The following TBC1D1 variants were observed in gnomAD, a reference collection of about 807,000 sequenced individuals.
The protein encoded by TBC1D1 is TBC1 domain family member 1, also known as TBC1 (tre-2/USP6, BUB2, cdc16) domain family, member 1.
Under a neutral mutation model 125.6 loss-of-function variants are expected in TBC1D1, and 89 were observed. The ratio of observed to expected loss-of-function variants is 0.71; its 90% CI spans 0.60 to 0.85. The LOEUF (loss-of-function observed/expected upper bound fraction) is 0.85. TBC1D1 is among the 40% of genes least tolerant of loss of function. The pLI is 0.00. For missense variants in TBC1D1, 1,377 were observed against 1,469.2 expected (o/e 0.94, Z 1.03); for synonymous variants, 565 against 564.1 (o/e 1.00, Z -0.02).
intron 12 of TBC1D1, among the ~76,000 whole-genome samples, chr4:38,060,284 C>G (rs1381107216): frequency 2.6e-5 from 4 of 152,100 alleles, no homozygotes; most frequent in African/African-American, 9.7e-5. Context: ...AGTTCTAGAT[C>G]TTTGAGGAAT....
intron 19 of TBC1D1, 62 bp downstream of exon 21, chr4:38,133,319 C>T: frequency 6.7e-7 from 1 of 1,484,930 alleles, no homozygotes; most frequent in African/African-American, 1.4e-5. Context: ...ATTAACTCAC[C>T]AAAGGCAACA....
At chr4:38,117,186 T>TA (rs1361935794) in intron 16 of TBC1D1, among the ~76,000 whole-genome samples, 1 of 152,254 alleles carries the variant, frequency 6.6e-6, no homozygotes, top group African/African-American at 2.4e-5. Flanking sequence ...GGGATTATAT[T>TA]ATCTGAGCCT....
chr4:37,978,946 A>G (rs1733809588), intron 2 of TBC1D1, among the ~76,000 whole-genome samples: 1 of 152,204 alleles, frequency 6.6e-6, no homozygotes. Flanking sequence ...GTGCGATCTC[A>G]GTTCACTGCA....
At chr4:37,920,838 C>T (rs1009538683) in intron 2 of TBC1D1, among the ~76,000 whole-genome samples, 14 of 151,998 alleles carry the variant, frequency 9.2e-5, no homozygotes, top group Non-Finnish European at 1.0e-4. Context: ...GGGCCGGGCG[C>T]GGTGGCTCAC....
At chr4:38,100,723 A>G (rs1760165856) in intron 14 of TBC1D1, among the ~76,000 whole-genome samples, 1 of 152,184 alleles carries the variant, frequency 6.6e-6, no homozygotes, top group African/African-American at 2.4e-5. Flanking sequence ...AAAAAAAATG[A>G]TACGTGAAAG....
At chr4:37,983,429 T>C (rs1461642507) in intron 2 of TBC1D1, among the ~76,000 whole-genome samples, 1 of 152,172 alleles carries the variant, frequency 6.6e-6, no homozygotes, top group African/African-American at 2.4e-5. Flanking sequence ...CCCCAAACTC[T>C]TATAGCTGTG....
At position 38,102,986 on chromosome 4, in the gene TBC1D1, C is replaced by T. The variant is rs200512979; in HGVS notation, c.2399-13C>T. 1.2e-6 allele frequency: 2 copies of T among 1,608,884 alleles called. No homozygotes were observed. The highest frequency in any genetic ancestry group is 1.7e-6 in the Non-Finnish European group (2 of 1,178,066). On this transcript the variant is annotated splice_polypyrimidine_tract_variant and intron_variant, in intron 14 of 19. Coordinates refer to ENST00000261439, the MANE Select transcript of TBC1D1 (RefSeq NM_015173.4). ...TGCATAAATTATTTCCATGTCTTCTCTCCCTTTTAAAGGTGTGCCACGTCA... is the reference window on the plus strand; with the variant it reads ...TGCATAAATTATTTCCATGTCTTCTTTCCCTTTTAAAGGTGTGCCACGTCA...
At chr4:38,110,599 C>G in intron 15 of TBC1D1, 1 of 985,362 alleles carries the variant, frequency 1.0e-6, no homozygotes, top group Non-Finnish European at 1.2e-6. Context: ...CAAGACACAT[C>G]GAATGTCTTT....
intron 2 of TBC1D1, among the ~76,000 whole-genome samples, chr4:38,013,847 C>CA (rs1221792970): frequency 6.6e-6 from 1 of 152,188 alleles, no homozygotes. Flanking sequence ...TAATATTAGT[C>CA]ATGGGTTACT....
intron 1 of TBC1D1, among the ~76,000 whole-genome samples, chr4:37,891,562 G>A (rs1233359205): frequency 3.4e-5 from 4 of 119,112 alleles, no homozygotes; most frequent in Admixed American, 1.1e-4. Flanking sequence ...GCCCTTGGAC[G>A]AAAGCGAAAC....
chr4:37,986,542 G>A (rs1438436509), intron 2 of TBC1D1, among the ~76,000 whole-genome samples: 1 of 152,090 alleles, frequency 6.6e-6, no homozygotes, highest in Non-Finnish European at 1.5e-5. Flanking sequence ...GCCTTCCGGG[G>A]TCAAGTGATT....
intron 2 of TBC1D1, among the ~76,000 whole-genome samples, chr4:37,945,052 A>G (rs565140834): frequency 3.3e-4 from 50 of 152,086 alleles, no homozygotes; most frequent in African/African-American, 1.2e-3. Context: ...TCTGGACTGG[A>G]CTTTTTGTAA....
chr4:37,895,953 AGAGT>A (rs1241715996), intron 1 of TBC1D1, among the ~76,000 whole-genome samples: 1 of 152,148 alleles, frequency 6.6e-6, no homozygotes, highest in Non-Finnish European at 1.5e-5. Context: ...AAGTGGATGA[AGAGT>A]GTAGCCAAGT....
chr4:37,906,071 G>T (rs970744876), intron 2 of TBC1D1, among the ~76,000 whole-genome samples: 9 of 152,180 alleles, frequency 5.9e-5, no homozygotes, highest in African/African-American at 2.2e-4. Flanking sequence ...TGAACAAGAT[G>T]AATATTTTCC....
chr4:38,134,051 C>T (rs114858155), intron 19 of TBC1D1, among the ~76,000 whole-genome samples: 3,502 of 152,168 alleles, frequency 0.023, 127 homozygotes, highest in African/African-American at 0.08. Flanking sequence ...CAGTGCTGTC[C>T]CTGTTAAGGA....
chr4:38,129,662 G>A (rs555692099), intron 18 of TBC1D1, among the ~76,000 whole-genome samples: 2 of 152,234 alleles, frequency 1.3e-5, no homozygotes, highest in East Asian at 1.9e-4. Flanking sequence ...ATTAATCAGT[G>A]TCCATGGACT....
chr4:37,913,299 C>T (rs114343021), intron 2 of TBC1D1, among the ~76,000 whole-genome samples: 2,676 of 152,150 alleles, frequency 0.018, 84 homozygotes, highest in African/African-American at 0.061. Flanking sequence ...TGCTCAGCCT[C>T]CTAAAAAATA....
chr4:38,047,424 G>A (rs1749705129), intron 10 of TBC1D1, among the ~76,000 whole-genome samples: 1 of 152,142 alleles, frequency 6.6e-6, no homozygotes, highest in East Asian at 1.9e-4. Context: ...TGGGGAGTGA[G>A]GTCCTAGACA....
At chr4:38,038,586 G>A (rs75649027) in intron 8 of TBC1D1, among the ~76,000 whole-genome samples, 15,546 of 152,174 alleles carry the variant, frequency 0.1, 979 homozygotes, top group Non-Finnish European at 0.14. Context: ...AATCTTAAGT[G>A]TACCATTTGT....
Sources: gnomAD v4.1 joint callset for allele counts (sites outside exome capture counted in the v4.1 genomes callset) on GRCh38, gnomAD v4.1.1 for gene constraint, MANE v1.5 for transcripts, NCBI Gene and HGNC (gene_info 2026-07-23, HGNC 2026-07-21) for gene names.